Variants in GLB1 observed in about 807,000 individuals in gnomAD.
GLB1 encodes the protein galactosidase beta 1, also known as beta-galactosidase.
Under a neutral mutation model 74.0 loss-of-function variants are expected in GLB1, and 56 were observed. The ratio of observed to expected loss-of-function variants is 0.76; its 90% CI spans 0.61 to 0.94. The LOEUF is 0.94. Ranked by LOEUF, GLB1 falls within the 40% of genes least tolerant of loss-of-function variation. The pLI, the probability that GLB1 is intolerant of heterozygous loss-of-function variation, is 0.00. For missense variants in GLB1, 787 were observed against 845.5 expected, an observed-to-expected ratio of 0.93 and a Z score of 0.86; for synonymous variants, 323 against 323.6, an observed-to-expected ratio of 1.00 and a Z score of 0.02.
chr3:33,032,975 A>C (rs1698113939), intron 10 of GLB1, among the ~76,000 whole-genome samples: 1 of 152,220 alleles, frequency 6.6e-6, no homozygotes, highest in Non-Finnish European at 1.5e-5. Flanking sequence ...GAGGTTTTAC[A>C]GGTTGCTATA....
At chr3:33,055,768 GTTTTT>G (rs200229955) in intron 6 of GLB1, among the ~76,000 whole-genome samples, 1 of 143,150 alleles carries the variant, frequency 7.0e-6, no homozygotes, top group South Asian at 2.2e-4. Flanking sequence ...CGCTGGGCCC[GTTTTT>G]TTTTTTTAAA....
At chr3:33,033,888 A>C in intron 10 of GLB1, 1 of 524,800 alleles carries the variant, frequency 1.9e-6, no homozygotes, top group Non-Finnish European at 3.8e-6. Flanking sequence ...AACACTGTGG[A>C]TACCTCCCAT....
rs755161263 is a variant in GLB1 at position 33,070,922 on chromosome 3, T to C, written c.245+1622A>G. ...CTTAGGAAAAATAAGAATATTTTGC[T>C]GAAAAGTAGTAAGAGACATATTTAT... On this transcript the variant is annotated intron_variant, in intron 2 of 15. Coordinates refer to ENST00000307363, the MANE Select transcript of GLB1 (RefSeq NM_000404.4). Among the ~76,000 whole-genome samples the C allele has an allele frequency of 5.9e-5, 9 of 152,322 alleles. No homozygotes were observed. The East Asian group carries it at 1.7e-3, about 29-fold the overall frequency.
intron 1 of GLB1, among the ~76,000 whole-genome samples, chr3:33,074,389 GAAGA>G (rs773964882): frequency 0.036 from 1,414 of 38,842 alleles, 182 homozygotes; most frequent in Non-Finnish European, 0.051. Flanking sequence ...AGGAAGGAAG[GAAGA>G]AAGAAAGAAA....
At chr3:33,030,915 G>A (rs774799813) in intron 10 of GLB1, 27 of 709,632 alleles carry the variant, frequency 3.8e-5, no homozygotes, top group Non-Finnish European at 4.7e-5. Context: ...GTAGGGAAGA[G>A]GAGGTCGCTG....
At chr3:32,982,305 C>T in the GLB1 span, among the ~76,000 whole-genome samples, 10,165 of 143,104 alleles carry the variant, frequency 0.071, 859 homozygotes, top group East Asian at 0.44. Context: ...AAGAGCGAAA[C>T]TCCGTCTCCA....
the GLB1 span, among the ~76,000 whole-genome samples, chr3:32,962,802 A>G: frequency 7.2e-5 from 11 of 151,864 alleles, no homozygotes; most frequent in Non-Finnish European, 1.6e-4. Flanking sequence ...CTAAAACACT[A>G]TTCCAGCACT....
intron 12 of GLB1, among the ~76,000 whole-genome samples, chr3:33,019,087 C>T (rs2125470891): frequency 6.6e-6 from 1 of 152,264 alleles, no homozygotes; most frequent in East Asian, 1.9e-4. Flanking sequence ...GGGAGGATCT[C>T]TTGAGCCCAG....
At chr3:33,067,105 C>T (rs190729856) in intron 4 of GLB1, among the ~76,000 whole-genome samples, 2 of 151,046 alleles carry the variant, frequency 1.3e-5, no homozygotes, top group African/African-American at 4.9e-5. Context: ...CAGCTTCAAG[C>T]AATTCTCCTG....
At chr3:33,059,330 A>C (rs1282906561) in intron 5 of GLB1, among the ~76,000 whole-genome samples, 1 of 151,982 alleles carries the variant, frequency 6.6e-6, no homozygotes, top group Non-Finnish European at 1.5e-5. Flanking sequence ...AGGTAATAAA[A>C]TTTCATGGTG....
intron 1 of GLB1, among the ~76,000 whole-genome samples, chr3:33,089,755 G>A (rs1016459621): frequency 1.3e-5 from 2 of 152,166 alleles, no homozygotes; most frequent in African/African-American, 4.8e-5. Flanking sequence ...TGGAGGAAGG[G>A]GGAAATGGAG....
intron 1 of GLB1, among the ~76,000 whole-genome samples, chr3:33,085,407 T>C (rs940304272): frequency 3.3e-5 from 5 of 152,100 alleles, no homozygotes; most frequent in African/African-American, 1.2e-4. Flanking sequence ...CTACAACTAT[T>C]CTAAAAAATA....
chr3:33,065,844 G>A (rs893473110), intron 4 of GLB1, among the ~76,000 whole-genome samples: 7 of 151,974 alleles, frequency 4.6e-5, no homozygotes, highest in Non-Finnish European at 7.3e-5. Context: ...GCGCATGCCT[G>A]TAATCCCAGC....
intron 15 of GLB1, among the ~76,000 whole-genome samples, chr3:33,004,990 G>A (rs919897144): frequency 6.6e-6 from 1 of 152,200 alleles, no homozygotes; most frequent in African/African-American, 2.4e-5. Flanking sequence ...CCTGAGGACT[G>A]CAACATAGAA....
rs1700828076 is a variant in GLB1 at position 33,092,900 on chromosome 3, G to GT, written c.75+4110dup. On this transcript the variant is annotated intron_variant, in intron 1 of 15. Transcript: ENST00000307363. ...TGCTACCCAGCCTCATGGGTATCCC[G>GT]TAGTAGGCTGTGCCTGGGCTGACAT... 1.9e-6 allele frequency: 3 copies of GT among 1,614,104 alleles called. No homozygotes were observed. In the East Asian group the frequency reaches 6.7e-5, roughly 36 times the overall value.
chr3:33,016,091 G>C (rs185192525), intron 14 of GLB1, among the ~76,000 whole-genome samples: 1 of 152,326 alleles, frequency 6.6e-6, no homozygotes, highest in East Asian at 1.9e-4. Flanking sequence ...AAGGGAAGAG[G>C]CTTCCTACAA....
chr3:33,091,770 T>C lies in GLB1; in HGVS notation c.75+5241A>G, dbSNP rs533956953. On this transcript the variant is annotated intron_variant, in intron 1 of 15. Coordinates refer to ENST00000307363, the MANE Select transcript of GLB1 (RefSeq NM_000404.4). ...TCAGAGCGAGTGTCTTCACTCCCCA[T>C]TGGAGGAAGACTTTCCATCACAAGC... The C allele has an allele frequency of 3.1e-5, 31 of 985,410 alleles. No individual in the cohort carries two copies. In the African/African-American group the frequency reaches 4.5e-4, roughly 14 times the overall value. 61.0% of individuals were successfully genotyped at this position (985,410 alleles called of 1,614,324 possible). A position where few individuals can be genotyped will look rare whatever the true frequency, so the allele number is the denominator to read the frequency against.
chr3:33,001,581 A>G (rs1243665625), intron 15 of GLB1, among the ~76,000 whole-genome samples: 1 of 152,050 alleles, frequency 6.6e-6, no homozygotes, highest in Non-Finnish European at 1.5e-5. Flanking sequence ...TTTGAAATTC[A>G]TATCTTTTGT....
chr3:33,065,660 CT>C, intron 4 of GLB1, 103 bp from the exon 5 acceptor site: 1 of 1,391,646 alleles, frequency 7.2e-7, no homozygotes. Context: ...AATTCGTAAA[CT>C]TTTTAAAAAC....
Sources: allele counts gnomAD v4.1 joint callset (sites outside exome capture counted in the v4.1 genomes callset), GRCh38; gene constraint gnomAD v4.1.1; transcripts MANE v1.5; gene names NCBI Gene and HGNC (gene_info 2026-07-23, HGNC 2026-07-21).